CACNA2D3: variants seen among roughly 807,000 people sequenced by gnomAD.
CACNA2D3 encodes the protein calcium voltage-gated channel auxiliary subunit alpha2delta 3.
CACNA2D3 carries 60 observed loss-of-function variants against 160.6 expected under a neutral mutation model. The observed-to-expected ratio is 0.37, with a 90% CI of 0.30 to 0.46. The LOEUF is 0.46. Among genes scored for constraint, CACNA2D3 ranks in the 20% least tolerant of loss-of-function variants. CACNA2D3 has a pLI of 1.00. For synonymous variants in CACNA2D3, 558 were observed against 492.9 expected, an observed-to-expected ratio of 1.13 and a Z score of -1.75; for missense variants, 1,205 against 1,365.0, an observed-to-expected ratio of 0.88 and a Z score of 1.85.
chr3:54,751,662 A>T (rs1474636244), intron 11 of CACNA2D3, among the ~76,000 whole-genome samples: 1 of 152,168 alleles, frequency 6.6e-6, no homozygotes, highest in Non-Finnish European at 1.5e-5. Context: ...CAATAGGAGC[A>T]CTTGACCCAT....
chr3:54,290,456 G>C lies in CACNA2D3; in HGVS notation c.205-29986G>C, dbSNP rs531623715. Among the ~76,000 whole-genome samples, 3 of 152,184 alleles carry C rather than the reference G, an allele frequency of 2.0e-5. 1 individual carries two copies. The South Asian group carries it at 6.2e-4, about 32-fold the overall frequency. ...AAAAATAGGAACACTTTTACACTGT[G>C]TGTGGGACTGTAAACTAGTTCAACC... On this transcript the variant is annotated intron_variant, in intron 2 of 37. Transcript: ENST00000474759.
intron 26 of CACNA2D3, among the ~76,000 whole-genome samples, chr3:54,899,449 A>G (rs1700276107): frequency 6.6e-6 from 1 of 152,336 alleles, no homozygotes; most frequent in Non-Finnish European, 1.5e-5. Flanking sequence ...AAATATGACC[A>G]CTGACACAAG....
intron 2 of CACNA2D3, among the ~76,000 whole-genome samples, chr3:54,212,411 G>C (rs993285745): frequency 6.6e-6 from 1 of 152,158 alleles, no homozygotes; most frequent in Non-Finnish European, 1.5e-5. Flanking sequence ...GGTTGTAAGA[G>C]TTAAGTTATT....
intron 2 of CACNA2D3, among the ~76,000 whole-genome samples, chr3:54,160,985 A>G (rs2107296826): frequency 6.6e-6 from 1 of 152,302 alleles, no homozygotes; most frequent in South Asian, 2.1e-4. Flanking sequence ...CAGTGTGGGG[A>G]GGCAGCCAGG....
chr3:54,209,083 C>T (rs190106909), intron 2 of CACNA2D3, among the ~76,000 whole-genome samples: 2 of 152,298 alleles, frequency 1.3e-5, no homozygotes, highest in Admixed American at 6.5e-5. Context: ...CACGGGGTCC[C>T]TCCCACAACA....
chr3:54,545,587 G>A (rs1175380371), intron 5 of CACNA2D3, among the ~76,000 whole-genome samples: 1 of 151,776 alleles, frequency 6.6e-6, no homozygotes, highest in African/African-American at 2.4e-5. Flanking sequence ...AACTTTCCTT[G>A]CTGGTGACTG....
At chr3:54,314,172 TAA>T (rs1265129672) in intron 2 of CACNA2D3, among the ~76,000 whole-genome samples, 2 of 152,232 alleles carry the variant, frequency 1.3e-5, no homozygotes, top group Non-Finnish European at 2.9e-5. Context: ...TTTCTATTCC[TAA>T]GTTACTGCAC....
chr3:54,561,935 C>G (rs1254341548), intron 5 of CACNA2D3, among the ~76,000 whole-genome samples: 1 of 152,196 alleles, frequency 6.6e-6, no homozygotes, highest in African/African-American at 2.4e-5. Context: ...TACATGGTAA[C>G]ATGCAAGAGA....
intron 2 of CACNA2D3, among the ~76,000 whole-genome samples, chr3:54,286,126 A>T (rs569114019): frequency 1.8e-3 from 276 of 152,188 alleles, no homozygotes; most frequent in African/African-American, 6.2e-3. Flanking sequence ...CGATCAAACT[A>T]CTCCGAGCTA....
At chr3:54,553,387 A>G (rs555599432) in intron 5 of CACNA2D3, among the ~76,000 whole-genome samples, 212 of 152,352 alleles carry the variant, frequency 1.4e-3, no homozygotes, top group African/African-American at 5.0e-3. Context: ...CACACGGCAC[A>G]GAAGAAAACT....
At chr3:54,263,950 A>C (rs111765068) in intron 2 of CACNA2D3, among the ~76,000 whole-genome samples, 8,845 of 152,158 alleles carry the variant, frequency 0.058, 795 homozygotes, top group African/African-American at 0.19. Flanking sequence ...TTCATTATTA[A>C]TAGGGATCCA....
chr3:54,412,430 C>T (rs1382818000), intron 4 of CACNA2D3, among the ~76,000 whole-genome samples: 1 of 151,902 alleles, frequency 6.6e-6, no homozygotes, highest in African/African-American at 2.4e-5. Flanking sequence ...AGGTGTTACA[C>T]ATTTAGGATT....
At position 54,945,881 on chromosome 3, in the gene CACNA2D3, C is replaced by T. The variant is rs74804902; in HGVS notation, c.2450-22569C>T. 6.2e-3 allele frequency among the ~76,000 whole-genome samples: 942 copies of T among 152,214 alleles called. 8 individuals are homozygous for T. The highest frequency in any genetic ancestry group is 0.021 in the African/African-American group (867 of 41,516). ...GCAGCAAAGCTGAGGTAATGCCAGG[C>T]GTAGGTAGGGTGGTGGATGGCGGGG... On this transcript the variant is annotated intron_variant, in intron 27 of 37. Coordinates refer to ENST00000474759, the MANE Select transcript of CACNA2D3 (RefSeq NM_018398.3).
At chr3:54,301,922 G>A (rs1244244316) in intron 2 of CACNA2D3, among the ~76,000 whole-genome samples, 2 of 152,086 alleles carry the variant, frequency 1.3e-5, no homozygotes, top group South Asian at 2.1e-4. Flanking sequence ...TAGATCTGAT[G>A]TACATTATAG....
chr3:54,561,958 G>T (rs1702332208), intron 5 of CACNA2D3, among the ~76,000 whole-genome samples: 1 of 152,208 alleles, frequency 6.6e-6, no homozygotes, highest in Non-Finnish European at 1.5e-5. Flanking sequence ...ATATGTAGGG[G>T]AGTGCCCCTT....
chr3:54,324,495 G>A (rs1022517751), intron 3 of CACNA2D3, among the ~76,000 whole-genome samples: 2 of 152,080 alleles, frequency 1.3e-5, no homozygotes, highest in African/African-American at 4.8e-5. Context: ...ACATAATGGT[G>A]CCATCATTAT....
intron 3 of CACNA2D3, among the ~76,000 whole-genome samples, chr3:54,382,894 C>T (rs1699127539): frequency 6.6e-6 from 1 of 152,240 alleles, no homozygotes; most frequent in South Asian, 2.1e-4. Context: ...GTTGCCCAGG[C>T]TGGAGTGCAG....
At chr3:54,152,404 T>C (rs1435477048) in intron 2 of CACNA2D3, among the ~76,000 whole-genome samples, 2 of 151,960 alleles carry the variant, frequency 1.3e-5, no homozygotes, top group Admixed American at 6.6e-5. Context: ...TAAAAAAAAA[T>C]CCATGAGCGA....
chr3:54,971,582 A>G (rs1702277124), intron 29 of CACNA2D3, among the ~76,000 whole-genome samples: 1 of 152,184 alleles, frequency 6.6e-6, no homozygotes, highest in Non-Finnish European at 1.5e-5. Flanking sequence ...GATTGGATAG[A>G]TGGTTGGATA....
Sources: gnomAD v4.1 joint callset for allele counts (sites outside exome capture counted in the v4.1 genomes callset) on GRCh38, gnomAD v4.1.1 for gene constraint, MANE v1.5 for transcripts, NCBI Gene and HGNC (gene_info 2026-07-23, HGNC 2026-07-21) for gene names.